SLC5A9: variants seen among roughly 807,000 people sequenced by gnomAD.
The protein encoded by SLC5A9 is solute carrier family 5 member 9, also known as sodium/glucose cotransporter 4.
In SLC5A9, 59 loss-of-function variants were observed where a neutral mutation model predicts 70.9. That is an observed-to-expected ratio of 0.83 (90% CI 0.68 to 1.03). The LOEUF is 1.03. Among genes scored for constraint, SLC5A9 ranks in the 50% least tolerant of loss-of-function variants. The pLI, the probability that SLC5A9 is intolerant of heterozygous loss-of-function variation, is 0.00. For synonymous variants in SLC5A9, 340 were observed against 346.5 expected (o/e 0.98, Z 0.21); for missense variants, 832 against 881.1 (o/e 0.94, Z 0.71).
intron 9 of SLC5A9, among the ~76,000 whole-genome samples, chr1:48,235,267 C>A (rs1376207858): frequency 6.6e-6 from 1 of 152,192 alleles, no homozygotes; most frequent in African/African-American, 2.4e-5. Context: ...TAGCCCAACA[C>A]CACCATGTCA....
Position 48,228,396 on chromosome 1 carries a change from G to A in SLC5A9, c.235-454G>A, listed in dbSNP as rs1644195296. On this transcript the variant is annotated intron_variant, in intron 2 of 13. Transcript: ENST00000438567. ...CCCCTGGAGAACTAACTCAGAGGTC[G>A]ACCTGGCCTGTGCTCAGTCCCTCGG... 4 of 168,086 alleles carry A rather than the reference G, an allele frequency of 2.4e-5. No individual in the cohort carries two copies. The South Asian group carries it at 5.5e-4, about 23-fold the overall frequency. 10.4% of individuals were successfully genotyped at this position (168,086 alleles called of 1,614,324 possible). A position where few individuals can be genotyped will look rare whatever the true frequency, so the allele number is the denominator to read the frequency against.
intron 2 of SLC5A9, among the ~76,000 whole-genome samples, chr1:48,225,377 C>T (rs1262916234): frequency 2.0e-5 from 3 of 151,986 alleles, no homozygotes; most frequent in Non-Finnish European, 1.5e-5. Flanking sequence ...TTAGGGGAAT[C>T]ACAGAGGTAA....
intron 1 of SLC5A9, 29 bp from the exon 2 acceptor site, chr1:48,224,695 A>C: frequency 3.7e-6 from 6 of 1,603,492 alleles, no homozygotes; most frequent in Non-Finnish European, 5.1e-6. Context: ...AGTCTTGAGA[A>C]ATCCTCATCT....
Position 48,232,680 on chromosome 1 carries a change from C to G in SLC5A9, c.1033+178C>G, listed in dbSNP as rs1223247402. Among the ~76,000 whole-genome samples, 3 of 152,066 alleles carry G rather than the reference C, an allele frequency of 2.0e-5. No individual in the cohort carries two copies. The East Asian group carries it at 5.8e-4, about 30-fold the overall frequency. On this transcript the variant is annotated intron_variant, in intron 8 of 13. Coordinates refer to ENST00000438567, the MANE Select transcript of SLC5A9 (RefSeq NM_001011547.3). ...CCCATAGACCCAGCTACTTGGAAGG[C>G]TGAGGATCCTGAGTCCAGGAGCTTG...
At chr1:48,233,599 G>A (rs894380322) in intron 8 of SLC5A9, 56 bp from the exon 9 acceptor site, 1 of 1,410,516 alleles carries the variant, frequency 7.1e-7, no homozygotes, top group Non-Finnish European at 1.0e-6. Context: ...CAAATACTAG[G>A]CCAACCTGAG....
rs561731954 is a variant in SLC5A9, at chr1:48,247,571, A to G, written c.*28A>G. 6.2e-7 allele frequency: 1 copy of G among 1,607,496 alleles called. No individual in the cohort carries two copies. The highest frequency in any genetic ancestry group is 1.3e-5 in the African/African-American group (1 of 74,914). On this transcript the variant is annotated 3_prime_UTR_variant, in exon 14 of 14. Transcript: ENST00000438567. ...CCACAGACCTGGCTTCAGTGTAGAC[A>G]GATTAAACAAAGCCCAAGCCTGTCA...
At chr1:48,227,536 G>A (rs925666681) in intron 2 of SLC5A9, among the ~76,000 whole-genome samples, 3 of 150,150 alleles carry the variant, frequency 2.0e-5, no homozygotes, top group Non-Finnish European at 4.4e-5. Flanking sequence ...TGTGTGTACT[G>A]TGCCTGTGTG....
chr1:48,224,639 G>T (rs527327346), intron 1 of SLC5A9, 85 bp from the exon 2 acceptor site: 17 of 1,390,698 alleles, frequency 1.2e-5, no homozygotes, highest in South Asian at 5.8e-5. Flanking sequence ...TGCCTGCACC[G>T]AGGGGAAGGA....
intron 11 of SLC5A9, 80 bp downstream of exon 11, chr1:48,237,927 T>C: frequency 1.4e-6 from 2 of 1,458,562 alleles, no homozygotes; most frequent in East Asian, 4.9e-5. Context: ...CTCTGTGACC[T>C]TGAGAAAATC....
Position 48,235,717 on chromosome 1 carries a change from G to C in SLC5A9, c.1142-12G>C, listed in dbSNP as rs538264146. On this transcript the variant is annotated splice_polypyrimidine_tract_variant and intron_variant, in intron 9 of 13. Transcript: ENST00000438567. ...TGGGCCAGCCGTTCACATGAGCCTC[G>C]TCTCTCCCCAGGTCTGCGGGGGCTG... is the stretch of plus-strand genomic sequence containing the variant. 7 of 1,613,972 alleles carry C rather than the reference G, an allele frequency of 4.3e-6. No homozygotes were observed. Among genetic ancestry groups the C allele is most frequent in the Non-Finnish European group, 5.9e-6 (7 of 1,179,932 alleles).
At chr1:48,238,533 T>C (rs1644357324) in intron 11 of SLC5A9, 1 of 152,170 alleles carries the variant, frequency 6.6e-6, no homozygotes, top group East Asian at 1.9e-4. Context: ...GGCTGTACCT[T>C]GAGAAGCTGA....
intron 13 of SLC5A9, among the ~76,000 whole-genome samples, chr1:48,244,866 G>GTGTATA (rs1354601965): frequency 5.1e-4 from 6 of 11,800 alleles, no homozygotes; most frequent in African/African-American, 1.8e-3. Context: ...GTGTGTGTAT[G>GTGTATA]TATGTGTATG....
rs12040115 is a variant in SLC5A9 at position 48,247,428 on chromosome 1, C to A, written c.1931C>A (p.Ala644Glu). 0.015 allele frequency: 24,666 copies of A among 1,614,098 alleles called. 1,052 individuals carry two copies. The East Asian group carries it at 0.18, about 12-fold the overall frequency. Reference protein sequence around the residue: ...EQALSPAEKAALEQKLTSIEE... With the variant: ...EQALSPAEKAELEQKLTSIEE... The stretch of plus-strand genomic sequence containing the variant: ...GCCCTGAGCCCAGCAGAGAAGGCTG[C>A]GCTAGAACAGAAGCTGACAAGCATT... Residue 644 changes from alanine to glutamate, a missense_variant, in exon 14 of 14, where the codon GCG becomes GAG. Physicochemically the swap from Ala to Glu is moderately radical, Grantham distance 107 (BLOSUM62 -1). Coordinates refer to ENST00000438567, the MANE Select transcript of SLC5A9 (RefSeq NM_001011547.3).
chr1:48,227,362 TG>T (rs1644173252), intron 2 of SLC5A9, among the ~76,000 whole-genome samples: 1 of 141,728 alleles, frequency 7.1e-6, no homozygotes, highest in East Asian at 2.1e-4. Flanking sequence ...GTACTGTGCC[TG>T]TGTGTGATTG....
intron 9 of SLC5A9, 76 bp downstream of exon 9, chr1:48,233,838 G>T: frequency 9.7e-7 from 1 of 1,035,508 alleles, no homozygotes; most frequent in Non-Finnish European, 1.5e-6. Flanking sequence ...AGGAGGGAAG[G>T]CACTAACATG....
At chr1:48,233,352 C>T (rs1309199552) in intron 8 of SLC5A9, among the ~76,000 whole-genome samples, 3 of 94,496 alleles carry the variant, frequency 3.2e-5, no homozygotes, top group African/African-American at 1.3e-4. Context: ...CAGAGCGTGA[C>T]TCCATCTCAA....
intron 9 of SLC5A9, among the ~76,000 whole-genome samples, chr1:48,235,193 T>C (rs1447553571): frequency 6.6e-6 from 1 of 152,180 alleles, no homozygotes; most frequent in East Asian, 1.9e-4. Context: ...GGATCATACA[T>C]ACAGCTGGTT....
Position 48,230,661 on chromosome 1 carries a change from C to A in SLC5A9, c.566C>A (p.Ser189Tyr), listed in dbSNP as rs1644235169. ...QMALGWNLYL[S>Y]TGILLVVTAV... ...GCATTGGGCTGGAACCTGTACCTCT[C>A]CACAGGGATCCTGCTGGTGGTGACT... Residue 189 changes from serine (S) to tyrosine (Y), a missense_variant, in exon 5 of 14, where the codon TCC becomes TAC. Ser to Tyr is a moderately radical substitution (Grantham distance 144). Transcript: ENST00000438567. 6.2e-7 allele frequency: 1 copy of A among 1,614,086 alleles called. No individual in the cohort carries two copies. Among genetic ancestry groups the A allele is most frequent in the Non-Finnish European group, 8.5e-7 (1 of 1,179,996 alleles).
intron 1 of SLC5A9, among the ~76,000 whole-genome samples, 166 bp from the exon 2 acceptor site, chr1:48,224,558 G>A (rs1287865883): frequency 1.3e-5 from 2 of 152,156 alleles, no homozygotes; most frequent in African/African-American, 2.4e-5. Context: ...AAGATACATC[G>A]CTTAGAAACT....
Sources: gnomAD v4.1 joint callset for allele counts (sites outside exome capture counted in the v4.1 genomes callset) on GRCh38, gnomAD v4.1.1 for gene constraint, MANE v1.5 for transcripts, NCBI Gene and HGNC (gene_info 2026-07-23, HGNC 2026-07-21) for gene names.